CNTNAP2: variants seen among roughly 807,000 people sequenced by gnomAD.
CNTNAP2 encodes contactin-associated protein-like 2.
CNTNAP2 carries 98 observed loss-of-function variants against 155.2 expected under a neutral mutation model. The observed-to-expected ratio is 0.63, with a 90% CI of 0.54 to 0.75. The LOEUF (loss-of-function observed/expected upper bound fraction) is 0.75, where lower values mean the gene tolerates loss of function less well. Among genes scored for constraint, CNTNAP2 ranks in the 30% least tolerant of loss-of-function variants. The pLI, the probability that CNTNAP2 is intolerant of heterozygous loss-of-function variation, is 0.00. For missense variants in CNTNAP2, 1,727 were observed against 1,688.1 expected, an observed-to-expected ratio of 1.02 and a Z score of -0.40; for synonymous variants, 651 against 631.2, an observed-to-expected ratio of 1.03 and a Z score of -0.47.
At chr7:146,544,246 A>C (rs1526163) in intron 1 of CNTNAP2, among the ~76,000 whole-genome samples, 99,040 of 151,308 alleles carry the variant, frequency 0.65, 33,866 homozygotes, top group African/African-American at 0.84. Flanking sequence ...CAGCTGCAAC[A>C]AGTGACTCAC....
At chr7:147,546,753 G>C (rs977489943) in intron 11 of CNTNAP2, among the ~76,000 whole-genome samples, 9 of 152,304 alleles carry the variant, frequency 5.9e-5, no homozygotes, top group Admixed American at 3.3e-4. Context: ...CAGTCCCAGG[G>C]CAGCTCCCTG....
chr7:148,335,568 T>C lies in CNTNAP2; in HGVS notation c.3476-48081T>C, dbSNP rs146932403. Among the ~76,000 whole-genome samples the C allele has an allele frequency of 7.3e-4, 111 of 152,252 alleles. 1 individual carries two copies. The highest frequency in any genetic ancestry group is 1.4e-3 in the Non-Finnish European group (97 of 68,010). ...TGCTGTATCAGATATACACCTAGCTTATAATTACGTGTCAAGAGAAGGAAG... is the reference window on the plus strand; with the variant it reads ...TGCTGTATCAGATATACACCTAGCTCATAATTACGTGTCAAGAGAAGGAAG... On this transcript the variant is annotated intron_variant, in intron 21 of 23. Transcript: ENST00000361727.
intron 8 of CNTNAP2, among the ~76,000 whole-genome samples, chr7:147,136,154 TG>T (rs1389868317): frequency 1.3e-5 from 2 of 151,834 alleles, no homozygotes; most frequent in South Asian, 4.1e-4. Flanking sequence ...GGTAATACAA[TG>T]TGATTCAGCA....
At chr7:146,568,270 G>A in intron 1 of CNTNAP2, among the ~76,000 whole-genome samples, 1 of 152,120 alleles carries the variant, frequency 6.6e-6, no homozygotes, top group Non-Finnish European at 1.5e-5. Context: ...CCTAATTAGG[G>A]TAGCAACAAA....
At chr7:147,864,911 C>T (rs1799200697) in intron 13 of CNTNAP2, among the ~76,000 whole-genome samples, 1 of 152,062 alleles carries the variant, frequency 6.6e-6, no homozygotes, top group South Asian at 2.1e-4. Context: ...AATTGAATGC[C>T]CTTTATTTCT....
At chr7:147,648,271 G>A (rs1375582385) in intron 13 of CNTNAP2, among the ~76,000 whole-genome samples, 2 of 152,130 alleles carry the variant, frequency 1.3e-5, no homozygotes, top group Non-Finnish European at 2.9e-5. Flanking sequence ...ATTTGCTTTG[G>A]TAAAGAACAA....
At chr7:146,961,302 G>A (rs554714480) in intron 3 of CNTNAP2, among the ~76,000 whole-genome samples, 1 of 152,206 alleles carries the variant, frequency 6.6e-6, no homozygotes, top group East Asian at 1.9e-4. Context: ...TCCCCTAGGT[G>A]CCAATAAAGA....
At chr7:148,115,599 G>A (rs186654246) in intron 15 of CNTNAP2, among the ~76,000 whole-genome samples, 11 of 152,162 alleles carry the variant, frequency 7.2e-5, no homozygotes, top group Admixed American at 2.0e-4. Flanking sequence ...TCTGATGAGC[G>A]AGAGCGTAGA....
chr7:146,235,645 T>A (rs546214555), intron 1 of CNTNAP2, among the ~76,000 whole-genome samples: 96 of 152,210 alleles, frequency 6.3e-4, no homozygotes, highest in Non-Finnish European at 1.1e-3. Flanking sequence ...GTGGTCATGA[T>A]CTCTCTTGTA....
intron 9 of CNTNAP2, among the ~76,000 whole-genome samples, chr7:147,395,328 C>G (rs1448135498): frequency 2.6e-5 from 4 of 151,948 alleles, no homozygotes; most frequent in Non-Finnish European, 5.9e-5. Context: ...AAAGATGTGA[C>G]AGTGAGAAAG....
intron 11 of CNTNAP2, among the ~76,000 whole-genome samples, chr7:147,538,643 A>G (rs1294201165): frequency 6.6e-6 from 1 of 152,012 alleles, no homozygotes; most frequent in Non-Finnish European, 1.5e-5. Flanking sequence ...GAGTGAGATT[A>G]TATATATAAA....
At chr7:146,512,727 G>A (rs1797485646) in intron 1 of CNTNAP2, among the ~76,000 whole-genome samples, 1 of 151,848 alleles carries the variant, frequency 6.6e-6, no homozygotes, top group Non-Finnish European at 1.5e-5. Flanking sequence ...ACCCTACAAA[G>A]TATTCCATGT....
chr7:146,474,694 T>A (rs777518102), intron 1 of CNTNAP2, among the ~76,000 whole-genome samples: 1 of 152,148 alleles, frequency 6.6e-6, no homozygotes, highest in Non-Finnish European at 1.5e-5. Context: ...AAAACTAAGA[T>A]CAGTTTTATG....
chr7:147,536,929 C>G (rs1799552115), intron 11 of CNTNAP2, among the ~76,000 whole-genome samples: 2 of 152,176 alleles, frequency 1.3e-5, no homozygotes, highest in Non-Finnish European at 2.9e-5. Context: ...ACATAAAAAT[C>G]CCAGTTCTCT....
intron 11 of CNTNAP2, among the ~76,000 whole-genome samples, chr7:147,528,421 G>T (rs1398808958): frequency 6.6e-6 from 1 of 152,124 alleles, no homozygotes; most frequent in Non-Finnish European, 1.5e-5. Context: ...GCTCAGAAAG[G>T]CTGCAGAGCA....
At chr7:147,152,225 A>G (rs1801841473) in intron 8 of CNTNAP2, among the ~76,000 whole-genome samples, 1 of 151,900 alleles carries the variant, frequency 6.6e-6, no homozygotes, top group Non-Finnish European at 1.5e-5. Context: ...TCAGAAAAGC[A>G]CCTAATGATT....
intron 8 of CNTNAP2, among the ~76,000 whole-genome samples, chr7:147,217,262 T>C (rs1450112863): frequency 1.3e-5 from 2 of 152,006 alleles, no homozygotes; most frequent in Non-Finnish European, 2.9e-5. Context: ...TTTCTTACCA[T>C]TAAGTATGAT....
intron 1 of CNTNAP2, among the ~76,000 whole-genome samples, chr7:146,178,594 G>A (rs548585657): frequency 9.2e-5 from 14 of 152,174 alleles, no homozygotes; most frequent in South Asian, 4.1e-4. Context: ...TTGGCCTCCA[G>A]TGTGCAATTC....
At chr7:147,563,556 GA>G (rs1483760109) in intron 12 of CNTNAP2, among the ~76,000 whole-genome samples, 1 of 151,966 alleles carries the variant, frequency 6.6e-6, no homozygotes, top group Non-Finnish European at 1.5e-5. Flanking sequence ...TTGATCCCTG[GA>G]GGAGGAGGTT....
Sources: gnomAD v4.1 joint callset for allele counts (sites outside exome capture counted in the v4.1 genomes callset) on GRCh38, gnomAD v4.1.1 for gene constraint, MANE v1.5 for transcripts, NCBI Gene and HGNC (gene_info 2026-07-23, HGNC 2026-07-21) for gene names.